Variants in ZNF385D observed in about 807,000 individuals in gnomAD.
The protein encoded by ZNF385D is zinc finger protein 659.
A neutral mutation model predicts 35.8 loss-of-function variants in ZNF385D; 15 were observed. The observed-to-expected ratio is 0.42, with a 90% CI of 0.28 to 0.64. The LOEUF is 0.64. ZNF385D is among the 30% of genes least tolerant of loss of function. The pLI, the probability that ZNF385D is intolerant of heterozygous loss-of-function variation, is 0.23. For missense variants in ZNF385D, 474 were observed against 494.6 expected (o/e 0.96, Z 0.39); for synonymous variants, 212 against 186.8 (o/e 1.13, Z -1.10).
At chr3:21,980,247 T>G (rs1694353426) in intron 3 of ZNF385D, among the ~76,000 whole-genome samples, 1 of 152,172 alleles carries the variant, frequency 6.6e-6, no homozygotes, top group Non-Finnish European at 1.5e-5. Context: ...AAGCTTTCAG[T>G]TAATTCAGCA....
At chr3:22,163,902 GA>G (rs11349232) in intron 3 of ZNF385D, among the ~76,000 whole-genome samples, 26,832 of 152,118 alleles carry the variant, frequency 0.18, 2,526 homozygotes, top group African/African-American at 0.2. Flanking sequence ...TAAAAAGGAT[GA>G]TGTGCTTACT....
chr3:21,639,693 A>G (rs3849547), intron 2 of ZNF385D, among the ~76,000 whole-genome samples: 15,968 of 152,108 alleles, frequency 0.1, 979 homozygotes, highest in East Asian at 0.17. Context: ...AACACTGCCT[A>G]TGCATGATAG....
intron 3 of ZNF385D, among the ~76,000 whole-genome samples, chr3:21,804,668 C>G (rs1581182): frequency 0.13 from 19,230 of 152,172 alleles, 1,620 homozygotes; most frequent in East Asian, 0.37. Flanking sequence ...TTTAGTCTCT[C>G]TTGTCCTCAG....
intron 3 of ZNF385D, among the ~76,000 whole-genome samples, chr3:21,558,111 A>ATT (rs57100355): frequency 1.6e-5 from 2 of 126,130 alleles, no homozygotes; most frequent in African/African-American, 3.0e-5. Context: ...GGATTCATTG[A>ATT]TTTTTTTTTT....
chr3:22,213,609 C>T (rs13084690), intron 2 of ZNF385D, among the ~76,000 whole-genome samples: 52,298 of 151,792 alleles, frequency 0.34, 9,299 homozygotes, highest in African/African-American at 0.41. Flanking sequence ...AAAGCTTATT[C>T]TAATGTACCA....
intron 2 of ZNF385D, among the ~76,000 whole-genome samples, chr3:22,359,100 C>A (rs1399264913): frequency 3.4e-5 from 5 of 147,064 alleles, no homozygotes; most frequent in African/African-American, 7.4e-5. Context: ...AAACAAGAAA[C>A]AAAAAAAACA....
intron 2 of ZNF385D, among the ~76,000 whole-genome samples, chr3:22,245,858 A>T (rs561661260): frequency 2.6e-4 from 40 of 152,120 alleles, no homozygotes; most frequent in Middle Eastern, 3.2e-3. Context: ...TGGATTTGAC[A>T]TGAAGAACCT....
chr3:21,779,629 G>C (rs1355091130), intron 3 of ZNF385D, among the ~76,000 whole-genome samples: 1 of 151,838 alleles, frequency 6.6e-6, no homozygotes, highest in Non-Finnish European at 1.5e-5. Flanking sequence ...AAAAAGAAGG[G>C]GGTAAGAAAT....
rs192983136 is a variant in ZNF385D at position 21,901,674 on chromosome 3, G to A, written c.326-236646C>T. ...AAATAAACAGTTCACTGGTAGTGTCGCAATCTGATACTTTATTTAGCACCA... is the reference window on the plus strand; with the variant it reads ...AAATAAACAGTTCACTGGTAGTGTCACAATCTGATACTTTATTTAGCACCA... On this transcript the variant is annotated intron_variant, in intron 3 of 5. Transcript: ENST00000494108. 1.2e-3 allele frequency among the ~76,000 whole-genome samples: 179 copies of A among 152,140 alleles called. 1 individual carries two copies. In the South Asian group the frequency reaches 0.014, roughly 12 times the overall value.
At chr3:22,176,488 T>A (rs563597720) in intron 2 of ZNF385D, among the ~76,000 whole-genome samples, 1 of 152,200 alleles carries the variant, frequency 6.6e-6, no homozygotes, top group Non-Finnish European at 1.5e-5. Flanking sequence ...GGTTAATGGA[T>A]TGCATTTCAA....
At chr3:21,895,053 A>C (rs1182389791) in intron 3 of ZNF385D, among the ~76,000 whole-genome samples, 2 of 152,220 alleles carry the variant, frequency 1.3e-5, no homozygotes, top group East Asian at 3.9e-4. Context: ...AGGGAGAGCT[A>C]CGCAACAGAT....
At chr3:21,781,947 C>T (rs1170826463) in intron 3 of ZNF385D, among the ~76,000 whole-genome samples, 1 of 151,996 alleles carries the variant, frequency 6.6e-6, no homozygotes, top group African/African-American at 2.4e-5. Context: ...TTCATCACTC[C>T]TCAAGCTGAT....
chr3:21,824,123 G>T (rs778952601), intron 3 of ZNF385D, among the ~76,000 whole-genome samples: 3 of 152,110 alleles, frequency 2.0e-5, no homozygotes, highest in Non-Finnish European at 2.9e-5. Flanking sequence ...GATGACAAAA[G>T]GTGATTAATT....
intron 3 of ZNF385D, among the ~76,000 whole-genome samples, chr3:21,993,611 A>T (rs1437423272): frequency 2.6e-5 from 4 of 152,212 alleles, no homozygotes; most frequent in South Asian, 2.1e-4. Flanking sequence ...GAACATTTTT[A>T]AAAAATGAAT....
chr3:21,823,484 C>T (rs940500067), intron 3 of ZNF385D, among the ~76,000 whole-genome samples: 1 of 152,070 alleles, frequency 6.6e-6, no homozygotes, highest in African/African-American at 2.4e-5. Flanking sequence ...GCACACTCAC[C>T]GTGTATATAG....
chr3:21,787,944 C>CAAAAAAAAAAA lies in ZNF385D; in HGVS notation c.326-122927_326-122917dup, dbSNP rs560982379. On this transcript the variant is annotated intron_variant, in intron 3 of 5. Coordinates refer to the ZNF385D transcript ENST00000494108. Reference sequence around the variant, plus strand: ...GCGACAGAGCGAGACTTCGTCTCAACAAAAAAAAAAAAAAAAAAAAAAAAA... The same window carrying CAAAAAAAAAAA: ...GCGACAGAGCGAGACTTCGTCTCAACAAAAAAAAAAAAAAAAAAAAAAAAAAAAAAAAAAAA... 1.2e-3 allele frequency among the ~76,000 whole-genome samples: 90 copies of CAAAAAAAAAAA among 75,380 alleles called. 5 individuals carry two copies. The highest frequency in any genetic ancestry group is 4.0e-3 in the East Asian group (7 of 1,758). 49.5% of individuals were successfully genotyped at this position (75,380 alleles called of 152,430 possible).
At chr3:22,085,038 A>T (rs1700952662) in intron 3 of ZNF385D, among the ~76,000 whole-genome samples, 1 of 152,208 alleles carries the variant, frequency 6.6e-6, no homozygotes, top group Non-Finnish European at 1.5e-5. Context: ...GAGAACAAAG[A>T]CACAACATAT....
intron 3 of ZNF385D, among the ~76,000 whole-genome samples, chr3:21,852,406 C>T (rs7625566): frequency 0.038 from 5,828 of 151,920 alleles, 390 homozygotes; most frequent in African/African-American, 0.13. Context: ...AGAGGCTCCC[C>T]AAGTGACTGT....
chr3:21,900,206 A>T (rs745406106), intron 3 of ZNF385D, among the ~76,000 whole-genome samples: 1 of 152,224 alleles, frequency 6.6e-6, no homozygotes, highest in Non-Finnish European at 1.5e-5. Flanking sequence ...AAAGGGAAAC[A>T]TTGAATGTTG....
Sources: allele counts gnomAD v4.1 joint callset (sites outside exome capture counted in the v4.1 genomes callset), GRCh38; gene constraint gnomAD v4.1.1; transcripts MANE v1.5; gene names NCBI Gene and HGNC (gene_info 2026-07-23, HGNC 2026-07-21).